RBPJ: variants seen among roughly 807,000 people sequenced by gnomAD.
RBPJ encodes recombining binding protein suppressor of hairless.
In RBPJ, 9 loss-of-function variants were observed where a neutral mutation model predicts 67.8. The ratio of observed to expected loss-of-function variants is 0.13; its 90% CI spans 0.08 to 0.23. The LOEUF is 0.23. Ranked by LOEUF, RBPJ falls within the 10% of genes least tolerant of loss-of-function variation. The pLI, the probability that RBPJ is intolerant of heterozygous loss-of-function variation, is 1.00. For synonymous variants in RBPJ, 198 were observed against 203.3 expected (o/e 0.97, Z 0.22); for missense variants, 305 against 595.6 (o/e 0.51, Z 5.08).
intron 1 of RBPJ, among the ~76,000 whole-genome samples, chr4:26,252,547 T>C (rs1469785590): frequency 1.3e-5 from 2 of 152,030 alleles, no homozygotes; most frequent in African/African-American, 4.8e-5. Flanking sequence ...GATTGTGTCA[T>C]TGCATTCCAA....
At chr4:26,316,266 C>CATATATATATATTCATATATAT (rs1217742336), upstream of RBPJ, among the ~76,000 whole-genome samples, 2 of 147,440 alleles carry the variant, frequency 1.4e-5, no homozygotes, top group African/African-American at 5.0e-5. Context: ...TATATATATT[C>CATATATATATATTCATATATAT]ATATATATAC....
chr4:26,300,098 A>C (rs1722027536), intron 1 of RBPJ, among the ~76,000 whole-genome samples: 1 of 152,190 alleles, frequency 6.6e-6, no homozygotes, highest in South Asian at 2.1e-4. Flanking sequence ...TTGACTTGGA[A>C]GCAGAAAGAT....
At chr4:26,369,674 C>A (rs1172327961) in intron 1 of RBPJ, among the ~76,000 whole-genome samples, 1 of 152,172 alleles carries the variant, frequency 6.6e-6, no homozygotes, top group East Asian at 1.9e-4. Flanking sequence ...ATATTTGGGG[C>A]TGACCAGATT....
intron 1 of RBPJ, among the ~76,000 whole-genome samples, chr4:26,250,377 G>A (rs1470478616): frequency 6.9e-6 from 1 of 144,414 alleles, no homozygotes; most frequent in Admixed American, 7.1e-5. Context: ...TGTCACCCAG[G>A]CTGTAGTACA....
At chr4:26,420,412 A>C in intron 4 of RBPJ, 139 bp from the exon 5 acceptor site, 1 of 521,664 alleles carries the variant, frequency 1.9e-6, no homozygotes, top group Non-Finnish European at 3.3e-6. Context: ...TTTATAGTTG[A>C]TAATTTTTAG....
At chr4:26,273,694 C>A (rs1720985436) in intron 1 of RBPJ, among the ~76,000 whole-genome samples, 1 of 152,240 alleles carries the variant, frequency 6.6e-6, no homozygotes, top group African/African-American at 2.4e-5. Context: ...TTTCACTCAA[C>A]TGCCTCCCTC....
At chr4:26,320,236 T>C (rs1722873631), upstream of RBPJ, among the ~76,000 whole-genome samples, 1 of 152,214 alleles carries the variant, frequency 6.6e-6, no homozygotes, top group Non-Finnish European at 1.5e-5. Context: ...TACTCCGCGC[T>C]CTGGCGTGTG....
intron 1 of RBPJ, among the ~76,000 whole-genome samples, chr4:26,361,311 C>T (rs1484157156): frequency 6.6e-6 from 1 of 152,156 alleles, no homozygotes; most frequent in Non-Finnish European, 1.5e-5. Flanking sequence ...GAGTGACCTA[C>T]ATTTTATAGT....
intron 1 of RBPJ, among the ~76,000 whole-genome samples, chr4:26,220,785 T>G (rs1718876956): frequency 1.3e-5 from 2 of 152,348 alleles, no homozygotes; most frequent in South Asian, 4.1e-4. Context: ...TTAAGGTGTT[T>G]GTTCCAGATG....
chr4:26,428,234 G>A (rs1040804028), intron 7 of RBPJ, among the ~76,000 whole-genome samples: 19 of 152,060 alleles, frequency 1.2e-4, no homozygotes, highest in African/African-American at 3.6e-4. Flanking sequence ...CTTTGATGTT[G>A]GAGTATTTGT....
chr4:26,139,952 G>A, the RBPJ span, among the ~76,000 whole-genome samples: 2 of 152,170 alleles, frequency 1.3e-5, no homozygotes, highest in South Asian at 2.1e-4. Flanking sequence ...GTCATGAGAG[G>A]GGTGGGACAG....
At chr4:26,386,830 C>T (rs922716364) in intron 2 of RBPJ, among the ~76,000 whole-genome samples, 11 of 152,114 alleles carry the variant, frequency 7.2e-5, no homozygotes, top group Non-Finnish European at 1.3e-4. Flanking sequence ...GTACAATATA[C>T]ATTTTAATTA....
At chr4:26,392,019 TC>T (rs1320641130) in intron 2 of RBPJ, among the ~76,000 whole-genome samples, 1 of 152,180 alleles carries the variant, frequency 6.6e-6, no homozygotes, top group Non-Finnish European at 1.5e-5. Context: ...AGGGCACTGA[TC>T]CTATTCTTGA....
chr4:26,361,569 A>C (rs1728064323), intron 1 of RBPJ, among the ~76,000 whole-genome samples: 1 of 151,982 alleles, frequency 6.6e-6, no homozygotes, highest in Non-Finnish European at 1.5e-5. Flanking sequence ...TTTCCTAGGA[A>C]GCTCTTTTTA....
chr4:26,356,828 GT>G (rs1156713640), intron 1 of RBPJ, among the ~76,000 whole-genome samples: 2 of 152,230 alleles, frequency 1.3e-5, no homozygotes, highest in Admixed American at 1.3e-4. Context: ...GAAATTGCTA[GT>G]TGCAAAGATA....
chr4:26,134,127 A>C, the RBPJ span, among the ~76,000 whole-genome samples: 1 of 152,162 alleles, frequency 6.6e-6, no homozygotes, highest in African/African-American at 2.4e-5. Flanking sequence ...AGGATGGTTG[A>C]AATCTGAAAC....
At chr4:26,134,008 T>C in the RBPJ span, among the ~76,000 whole-genome samples, 2 of 151,962 alleles carry the variant, frequency 1.3e-5, no homozygotes, top group Non-Finnish European at 2.9e-5. Context: ...TACCCTAAAG[T>C]TGAATACGTT....
At chr4:26,133,786 G>A in the RBPJ span, among the ~76,000 whole-genome samples, 1 of 150,920 alleles carries the variant, frequency 6.6e-6, no homozygotes, top group Non-Finnish European at 1.5e-5. Context: ...GGTCCCTAGT[G>A]TCAAAAAGGT....
intron 1 of RBPJ, among the ~76,000 whole-genome samples, chr4:26,323,966 G>A (rs2109332716): frequency 6.6e-6 from 1 of 152,204 alleles, no homozygotes; most frequent in South Asian, 2.1e-4. Flanking sequence ...CTCAACTAGG[G>A]GCAGTATTTT....
Sources: allele counts gnomAD v4.1 joint callset (sites outside exome capture counted in the v4.1 genomes callset), GRCh38; gene constraint gnomAD v4.1.1; transcripts MANE v1.5; gene names NCBI Gene and HGNC (gene_info 2026-07-23, HGNC 2026-07-21).